Variants in DOCK3 observed in about 807,000 individuals in gnomAD.
DOCK3 encodes dedicator of cytokinesis 3.
A neutral mutation model predicts 265.6 loss-of-function variants in DOCK3; 60 were observed. The observed-to-expected ratio is 0.23, with a 90% CI of 0.18 to 0.28. The LOEUF (loss-of-function observed/expected upper bound fraction) is 0.28, where lower values mean the gene tolerates loss of function less well. DOCK3 is among the 10% of genes least tolerant of loss of function. The pLI, the probability that DOCK3 is intolerant of heterozygous loss-of-function variation, is 1.00. For synonymous variants in DOCK3, 881 were observed against 938.0 expected (o/e 0.94, Z 1.11); for missense variants, 1,981 against 2,594.3 (o/e 0.76, Z 5.14).
chr3:51,133,805 T>G (rs1320733894), intron 9 of DOCK3, among the ~76,000 whole-genome samples: 2 of 152,102 alleles, frequency 1.3e-5, no homozygotes, highest in Non-Finnish European at 2.9e-5. Flanking sequence ...ATTTATTGAT[T>G]TGGGCCCACT....
At chr3:51,335,677 T>C (rs897748711) in intron 35 of DOCK3, among the ~76,000 whole-genome samples, 1 of 152,222 alleles carries the variant, frequency 6.6e-6, no homozygotes, top group Non-Finnish European at 1.5e-5. Context: ...CTCAATGCAG[T>C]TAGTTCAAGA....
chr3:50,697,004 C>G (rs937653933), intron 1 of DOCK3, among the ~76,000 whole-genome samples: 1 of 151,086 alleles, frequency 6.6e-6, no homozygotes, highest in Non-Finnish European at 1.5e-5. Context: ...TATGTAGGCT[C>G]ACTGTAACCT....
intron 4 of DOCK3, among the ~76,000 whole-genome samples, chr3:50,896,093 C>T (rs2048881348): frequency 6.6e-6 from 1 of 152,172 alleles, no homozygotes; most frequent in African/African-American, 2.4e-5. Context: ...GAGGAATCGC[C>T]ACACTGTCTT....
intron 14 of DOCK3, among the ~76,000 whole-genome samples, chr3:51,214,890 C>A (rs987822918): frequency 6.6e-6 from 1 of 152,062 alleles, no homozygotes; most frequent in African/African-American, 2.4e-5. Context: ...TTCTTGTTTT[C>A]TAATTAGGCA....
At chr3:51,281,615 A>G (rs758302138) in intron 27 of DOCK3, among the ~76,000 whole-genome samples, 5 of 151,578 alleles carry the variant, frequency 3.3e-5, no homozygotes, top group Non-Finnish European at 5.9e-5. Context: ...CACTGCTTTT[A>G]TTTGTTTCAG....
chr3:51,096,802 T>C (rs558856936), intron 9 of DOCK3, among the ~76,000 whole-genome samples: 5 of 152,362 alleles, frequency 3.3e-5, no homozygotes, highest in Non-Finnish European at 7.3e-5. Flanking sequence ...TCTTTGATGT[T>C]GGTGACCTCC....
intron 14 of DOCK3, among the ~76,000 whole-genome samples, chr3:51,219,546 T>C (rs145473090): frequency 8.4e-4 from 128 of 152,332 alleles, no homozygotes; most frequent in African/African-American, 2.9e-3. Context: ...TAGAAAATCT[T>C]AACAAGCTTA....
chr3:51,119,862 C>CT (rs1339461800), intron 9 of DOCK3, among the ~76,000 whole-genome samples: 1 of 152,042 alleles, frequency 6.6e-6, no homozygotes, highest in African/African-American at 2.4e-5. Flanking sequence ...AGCAATTCCT[C>CT]TAACCTTTTT....
rs775471821 is a variant in DOCK3 at position 51,315,113 on chromosome 3, T to C, written c.3387T>C (p.Asn1129=). ...TGATGGACTGGGAGCAGAGAAAAAA[T>C]GGCAACTTCAAACAGGTAAGACACC... is the stretch of plus-strand genomic sequence containing the variant. The part of the protein sequence containing the change: ...HDMMDWEQRK[N]GNFKQVEAEL... The change falls in exon 32 of 53, where the codon AAT becomes AAC. Residue 1129 remains asparagine, a synonymous_variant. Transcript: ENST00000266037. The C allele has an allele frequency of 5.6e-6, 9 of 1,609,718 alleles. No individual in the cohort carries two copies. In the Admixed American group the frequency reaches 1.5e-4, roughly 27 times the overall value.
chr3:50,857,644 A>G (rs1249421942), intron 3 of DOCK3, among the ~76,000 whole-genome samples: 1 of 152,248 alleles, frequency 6.6e-6, no homozygotes, highest in Non-Finnish European at 1.5e-5. Context: ...TCTCAAAGGA[A>G]GACATTTATG....
At chr3:51,042,912 G>A (rs1051772813) in intron 5 of DOCK3, among the ~76,000 whole-genome samples, 4 of 151,850 alleles carry the variant, frequency 2.6e-5, no homozygotes, top group Non-Finnish European at 4.4e-5. Context: ...TCTACAAAGA[G>A]AACTACAAAC....
At chr3:50,906,234 T>C (rs1416320287) in intron 4 of DOCK3, among the ~76,000 whole-genome samples, 1 of 152,082 alleles carries the variant, frequency 6.6e-6, no homozygotes, top group Non-Finnish European at 1.5e-5. Flanking sequence ...CTTTTTTTGC[T>C]GTGTCTCTGT....
At chr3:51,006,156 C>T (rs1418284139) in intron 5 of DOCK3, among the ~76,000 whole-genome samples, 2 of 152,080 alleles carry the variant, frequency 1.3e-5, no homozygotes, top group Non-Finnish European at 2.9e-5. Context: ...CTGTCTCCCT[C>T]ATGTCTCTGC....
intron 5 of DOCK3, among the ~76,000 whole-genome samples, chr3:50,978,451 C>T (rs965946661): frequency 2.6e-5 from 4 of 152,174 alleles, no homozygotes; most frequent in African/African-American, 9.7e-5. Flanking sequence ...CCCAGTTAGG[C>T]TGCTCGGGGG....
intron 32 of DOCK3, among the ~76,000 whole-genome samples, chr3:51,324,960 A>T (rs1484990433): frequency 6.6e-6 from 1 of 152,254 alleles, no homozygotes; most frequent in Non-Finnish European, 1.5e-5. Flanking sequence ...AAAACCTTAA[A>T]AACCCTAGAA....
At chr3:51,296,014 A>T (rs978792405) in intron 27 of DOCK3, among the ~76,000 whole-genome samples, 1 of 152,138 alleles carries the variant, frequency 6.6e-6, no homozygotes, top group African/African-American at 2.4e-5. Flanking sequence ...CTAACTTTTT[A>T]AATTTTTTTT....
intron 10 of DOCK3, among the ~76,000 whole-genome samples, chr3:51,149,320 G>C (rs1197341076): frequency 6.6e-6 from 1 of 152,038 alleles, no homozygotes; most frequent in African/African-American, 2.4e-5. Context: ...TCCTAATTCA[G>C]TACCCTTTAT....
intron 1 of DOCK3, among the ~76,000 whole-genome samples, chr3:50,740,033 A>G (rs2038913945): frequency 6.6e-6 from 1 of 151,914 alleles, no homozygotes; most frequent in Non-Finnish European, 1.5e-5. Flanking sequence ...CTTTTCCCCC[A>G]TCTCCAAACA....
chr3:50,893,849 C>A (rs1450836639), intron 4 of DOCK3, among the ~76,000 whole-genome samples: 2 of 151,866 alleles, frequency 1.3e-5, no homozygotes, highest in South Asian at 2.1e-4. Flanking sequence ...TGGAAGCCAT[C>A]ATTCTCAGCA....
Sources: allele counts gnomAD v4.1 joint callset (sites outside exome capture counted in the v4.1 genomes callset), GRCh38; gene constraint gnomAD v4.1.1; transcripts MANE v1.5; gene names NCBI Gene and HGNC (gene_info 2026-07-23, HGNC 2026-07-21).